ZNF131: variants seen among roughly 807,000 people sequenced by gnomAD.
ZNF131 encodes the protein zinc finger and BTB domain containing 35, also known as zinc finger protein 131.
ZNF131 carries 7 observed loss-of-function variants against 60.0 expected under a neutral mutation model. The observed-to-expected ratio is 0.12, with a 90% confidence interval of 0.07 to 0.22. The LOEUF is 0.22. Among genes scored for constraint, ZNF131 ranks in the 10% least tolerant of loss-of-function variants. ZNF131 has a pLI of 1.00. For synonymous variants in ZNF131, 257 were observed against 253.2 expected, an observed-to-expected ratio of 1.01 and a Z score of -0.14; for missense variants, 493 against 740.9, an observed-to-expected ratio of 0.67 and a Z score of 3.88.
At chr5:43,163,432 T>G (rs1005946785) in intron 5 of ZNF131, among the ~76,000 whole-genome samples, 1 of 152,218 alleles carries the variant, frequency 6.6e-6, no homozygotes, top group Non-Finnish European at 1.5e-5. Context: ...TTTATACTTC[T>G]CCTGGGAGCC....
chr5:43,175,133 A>C lies in ZNF131; in HGVS notation c.1872A>C (p.Ter624CysextTer4). Residue 624 changes from the stop codon to cysteine, a stop_lost, in exon 7 of 7, where the codon TGA (stop) becomes TGC (cysteine). Coordinates refer to ENST00000682664, the MANE Select transcript of ZNF131 (RefSeq NM_001330707.2). ...EDRTALPVLE* is the reference protein window; with the variant it reads ...EDRTALPVLEC The stretch of plus-strand genomic sequence containing the variant: ...GAACAGCTCTGCCAGTTTTAGAATG[A>C]AATTACACATGAATATATTTTTAAA... 6.2e-7 allele frequency: 1 copy of C among 1,600,980 alleles called. No homozygotes were observed. The highest frequency in any genetic ancestry group is 8.5e-7 in the Non-Finnish European group (1 of 1,175,016).
At chr5:43,144,291 C>T (rs72750780) in intron 4 of ZNF131, among the ~76,000 whole-genome samples, 12,922 of 118,790 alleles carry the variant, frequency 0.11, 771 homozygotes, top group Middle Eastern at 0.26. Context: ...TGTGTTGGCA[C>T]GATCCTGGCT....
intron 4 of ZNF131, chr5:43,143,262 C>T: frequency 1.9e-6 from 1 of 530,854 alleles, no homozygotes; most frequent in Non-Finnish European, 2.6e-6. Flanking sequence ...ACCTTGTGAT[C>T]TGCCCGCCTC....
At chr5:43,144,237 CTTTTTTTTT>C (rs935655531) in intron 4 of ZNF131, among the ~76,000 whole-genome samples, 96 of 65,318 alleles carry the variant, frequency 1.5e-3, no homozygotes, top group Non-Finnish European at 1.8e-3. Context: ...TTCTTTCTTT[CTTTTTTTTT>C]TTTTTTTTTT....
chr5:43,148,908 C>T (rs1747952334), intron 4 of ZNF131, among the ~76,000 whole-genome samples: 1 of 152,170 alleles, frequency 6.6e-6, no homozygotes, highest in South Asian at 2.1e-4. Context: ...CTCCCTATTC[C>T]TATCTTCATC....
chr5:43,133,162 C>G (rs891637777), intron 3 of ZNF131, among the ~76,000 whole-genome samples: 1 of 152,148 alleles, frequency 6.6e-6, no homozygotes, highest in African/African-American at 2.4e-5. Flanking sequence ...ATGATAAATG[C>G]ATAATTTTGA....
intron 5 of ZNF131, among the ~76,000 whole-genome samples, chr5:43,172,093 T>C (rs1751064657): frequency 6.6e-6 from 1 of 152,248 alleles, no homozygotes; most frequent in Non-Finnish European, 1.5e-5. Flanking sequence ...GTTTTCATTG[T>C]CATCCTTCTC....
At chr5:43,157,625 G>T (rs1012374138) in intron 4 of ZNF131, among the ~76,000 whole-genome samples, 4 of 152,098 alleles carry the variant, frequency 2.6e-5, no homozygotes, top group African/African-American at 9.7e-5. Context: ...TCATTAATAG[G>T]TACTTTTGTT....
chr5:43,165,187 A>G (rs1257793837), intron 5 of ZNF131, among the ~76,000 whole-genome samples: 2 of 149,446 alleles, frequency 1.3e-5, no homozygotes, highest in South Asian at 2.1e-4. Flanking sequence ...ATGAGCCACC[A>G]TGCTTGGCCC....
intron 5 of ZNF131, 126 bp downstream of exon 5, chr5:43,162,057 T>C (rs1749750058): frequency 1.1e-6 from 1 of 880,560 alleles, no homozygotes; most frequent in African/African-American, 1.7e-5. Flanking sequence ...ATGTGTAGGC[T>C]AAGTACACGT....
At chr5:43,156,301 C>G (rs980634746) in intron 4 of ZNF131, among the ~76,000 whole-genome samples, 15 of 152,176 alleles carry the variant, frequency 9.9e-5, no homozygotes, top group Non-Finnish European at 1.9e-4. Flanking sequence ...TCTGACATAG[C>G]CATGGAAGCT....
rs1031237718 is a variant in ZNF131, at chr5:43,174,559, A to G, written c.1298A>G (p.Asn433Ser). Residue 433 changes from asparagine to serine, a missense_variant, in exon 7 of 7, where the codon AAT becomes AGT. Physicochemically the swap from Asn to Ser is conservative, Grantham distance 46. Around this residue, in one of 7 missense-constraint regions of ZNF131, gnomAD observed 33 missense variants for 67.9 expected, o/e 0.49. Transcript: ENST00000682664. Reference protein sequence around the residue: ...TLCDLWFMQGNELRRHLSDAH... With the variant: ...TLCDLWFMQGSELRRHLSDAH... ...TGTGATTTGTGGTTTATGCAAGGAA[A>G]TGAATTAAGGAGGCATCTCAGTGAT... is the stretch of plus-strand genomic sequence containing the variant. The G allele has an allele frequency of 6.2e-6, 10 of 1,608,328 alleles. No homozygotes were observed. The highest frequency in any genetic ancestry group is 3.3e-4 in the Middle Eastern group (2 of 6,048).
At chr5:43,162,304 C>T (rs1749776059) in intron 5 of ZNF131, among the ~76,000 whole-genome samples, 1 of 152,040 alleles carries the variant, frequency 6.6e-6, no homozygotes, top group Admixed American at 6.6e-5. Flanking sequence ...ACAAGCAATC[C>T]CTGACAGCCA....
At chr5:43,123,887 C>A (rs1360604009) in intron 3 of ZNF131, 2 of 152,188 alleles carry the variant, frequency 1.3e-5, no homozygotes, top group African/African-American at 4.8e-5. Context: ...TTTGTACTTT[C>A]TAGACATTTT....
At position 43,143,898 on chromosome 5, in the gene ZNF131, C is replaced by CTTTT. The variant is rs79246574; in HGVS notation, c.371+4624_371+4627dup. 3.4e-4 allele frequency among the ~76,000 whole-genome samples: 12 copies of CTTTT among 34,974 alleles called. 4 individuals carry two copies. The highest frequency in any genetic ancestry group is 4.5e-4 in the Non-Finnish European group (9 of 20,166). 22.9% of individuals were successfully genotyped at this position (34,974 alleles called of 152,430 possible). ...TAGGTTCTCTGGAATATTGTCAGAG[C>CTTTT]TTTTTTTTTTTTTTTTTTTTTTTTT... is the stretch of plus-strand genomic sequence containing the variant. On this transcript the variant is annotated intron_variant, in intron 4 of 6. Transcript: ENST00000682664.
chr5:43,131,195 A>G (rs1416957888), intron 3 of ZNF131, among the ~76,000 whole-genome samples: 1 of 146,788 alleles, frequency 6.8e-6, no homozygotes, highest in African/African-American at 2.5e-5. Flanking sequence ...TTATTTTGAG[A>G]TGGAGTTTTG....
At chr5:43,132,505 CTTTTTTTTT>C (rs4050538) in intron 3 of ZNF131, among the ~76,000 whole-genome samples, 6 of 93,504 alleles carry the variant, frequency 6.4e-5, no homozygotes, top group Admixed American at 6.4e-4. Flanking sequence ...GAATGGTATT[CTTTTTTTTT>C]TTTTTTTTTT....
Position 43,174,567 on chromosome 5 carries a change from A to C in ZNF131, c.1306A>C (p.Arg436=), listed in dbSNP as rs369397531. 2.0e-5 allele frequency: 32 copies of C among 1,610,490 alleles called. No homozygotes were observed. Among genetic ancestry groups the C allele is most frequent in the Non-Finnish European group, 2.5e-5 (29 of 1,178,110 alleles). Residue 436 remains arginine, a synonymous_variant, in exon 7 of 7, where the codon AGG becomes CGG. Coordinates refer to ENST00000682664, the MANE Select transcript of ZNF131 (RefSeq NM_001330707.2). The part of the protein sequence containing the change: ...DLWFMQGNEL[R]RHLSDAHNIS... ...GTGGTTTATGCAAGGAAATGAATTAAGGAGGCATCTCAGTGATGCTCACAA... is the reference window on the plus strand; with the variant it reads ...GTGGTTTATGCAAGGAAATGAATTACGGAGGCATCTCAGTGATGCTCACAA...
At chr5:43,160,062 G>C (rs1749460617) in intron 4 of ZNF131, among the ~76,000 whole-genome samples, 1 of 151,996 alleles carries the variant, frequency 6.6e-6, no homozygotes, top group Admixed American at 6.6e-5. Flanking sequence ...TGTAGTCCCA[G>C]CTGCTTGGGA....
Sources: gnomAD v4.1 joint callset for allele counts (sites outside exome capture counted in the v4.1 genomes callset) on GRCh38, gnomAD v4.1.1 for gene constraint, gnomAD v4.1.1 regional missense constraint, MANE v1.5 for transcripts, NCBI Gene and HGNC (gene_info 2026-07-23, HGNC 2026-07-21) for gene names.